The following INO80 variants were observed in gnomAD, a reference collection of about 807,000 sequenced individuals.
INO80 encodes the protein chromatin-remodeling ATPase INO80.
Under a neutral mutation model 203.4 loss-of-function variants are expected in INO80, and 20 were observed. The observed-to-expected ratio is 0.10, with a 90% confidence interval of 0.07 to 0.14. The LOEUF (loss-of-function observed/expected upper bound fraction) is 0.14, where lower values mean the gene tolerates loss of function less well. Ranked by LOEUF, INO80 falls within the 10% of genes least tolerant of loss-of-function variation. The probability of loss-of-function intolerance (pLI) is 1.00; values close to 1 mark genes in which losing one functional copy is unlikely to be tolerated. For synonymous variants in INO80, 726 were observed against 685.2 expected (o/e 1.06, Z -0.93); for missense variants, 1,419 against 1,914.4 (o/e 0.74, Z 4.83).
Position 40,983,754 on chromosome 15 carries a change from G to GC in INO80, c.4237+7dup, listed in dbSNP as rs1893920603. ...CAGGCCCAAGCTGTACAAGACAGCA[G>GC]CAATTACCATTCACGGTATCTGAGA... On this transcript the variant is annotated splice_region_variant and intron_variant, in intron 34 of 35. Transcript: ENST00000648947. 1 of 1,611,798 alleles carries GC rather than the reference G, an allele frequency of 6.2e-7. No homozygotes were observed. The highest frequency in any genetic ancestry group is 1.1e-5 in the South Asian group (1 of 90,904).
chr15:40,986,644 A>G (rs947742796), intron 31 of INO80, among the ~76,000 whole-genome samples: 3 of 151,166 alleles, frequency 2.0e-5, no homozygotes, highest in African/African-American at 7.4e-5. Flanking sequence ...TGTTTTTAAA[A>G]GATGGAGTTT....
chr15:41,089,815 T>C (rs1223335906), intron 5 of INO80, among the ~76,000 whole-genome samples: 1 of 151,108 alleles, frequency 6.6e-6, no homozygotes. Flanking sequence ...CACTCAAAAC[T>C]ATCATCATTT....
chr15:41,069,034 C>T (rs1436318865), intron 14 of INO80, among the ~76,000 whole-genome samples: 1 of 152,092 alleles, frequency 6.6e-6, no homozygotes, highest in East Asian at 1.9e-4. Context: ...AGTTTGACCA[C>T]GAGTATCCAT....
At chr15:41,040,780 CA>C (rs57433008) in intron 24 of INO80, among the ~76,000 whole-genome samples, 30 of 139,936 alleles carry the variant, frequency 2.1e-4, no homozygotes, top group East Asian at 2.1e-4. Flanking sequence ...GATCCTGTTT[CA>C]AAAAAAAAAG....
chr15:41,087,172 T>C (rs566929), intron 6 of INO80, among the ~76,000 whole-genome samples: 6,286 of 151,972 alleles, frequency 0.041, 450 homozygotes, highest in African/African-American at 0.14. Flanking sequence ...GTACTGAATA[T>C]GTACAAACTT....
At chr15:41,084,304 A>G (rs796876107) in intron 7 of INO80, among the ~76,000 whole-genome samples, 15 of 152,162 alleles carry the variant, frequency 9.9e-5, no homozygotes, top group African/African-American at 3.6e-4. Flanking sequence ...GCACACCTGT[A>G]ATCCCAACAC....
intron 27 of INO80, among the ~76,000 whole-genome samples, chr15:41,008,572 C>G (rs2044085361): frequency 1.3e-5 from 2 of 152,212 alleles, no homozygotes; most frequent in Admixed American, 6.5e-5. Flanking sequence ...GACAATATCA[C>G]ATGGTCGACC....
At chr15:41,102,320 A>C (rs1290530152) in intron 1 of INO80, among the ~76,000 whole-genome samples, 1 of 152,192 alleles carries the variant, frequency 6.6e-6, no homozygotes, top group Non-Finnish European at 1.5e-5. Flanking sequence ...TTAGGGCATC[A>C]TACTGCTTTT....
chr15:41,114,616 C>G (rs2046002592), intron 1 of INO80, among the ~76,000 whole-genome samples: 1 of 148,216 alleles, frequency 6.7e-6, no homozygotes, highest in African/African-American at 2.5e-5. Context: ...GGCTGAGGCA[C>G]GAGAAGTGCT....
intron 24 of INO80, among the ~76,000 whole-genome samples, chr15:41,032,458 C>G: frequency 6.6e-6 from 1 of 152,100 alleles, no homozygotes; most frequent in East Asian, 1.9e-4. Context: ...GGGGCATTTG[C>G]AGCACTCACG....
chr15:41,071,125 C>T (rs2045305520), intron 12 of INO80, among the ~76,000 whole-genome samples: 4 of 152,184 alleles, frequency 2.6e-5, no homozygotes, highest in Admixed American at 1.3e-4. Flanking sequence ...GCCATAAACG[C>T]ACCACTCCAC....
intron 14 of INO80, among the ~76,000 whole-genome samples, chr15:41,062,363 A>G (rs1339118228): frequency 6.6e-6 from 1 of 152,080 alleles, no homozygotes; most frequent in East Asian, 1.9e-4. Context: ...GCACTCTGGG[A>G]GGCTGAGGCG....
chr15:41,035,821 CAAAAAAAAAAAAAAAA>C (rs71104768), intron 24 of INO80, among the ~76,000 whole-genome samples: 4 of 20,154 alleles, frequency 2.0e-4, no homozygotes, highest in African/African-American at 9.9e-4. Flanking sequence ...GACTCTGTCT[CAAAAAAAAAAAAAAAA>C]AAAAAAAAAA....
chr15:40,998,037 T>G (rs911832585), intron 28 of INO80, among the ~76,000 whole-genome samples: 11 of 149,504 alleles, frequency 7.4e-5, no homozygotes, highest in Non-Finnish European at 1.5e-4. Context: ...TTTTTTTTTT[T>G]TTTAGACGTA....
intron 29 of INO80, among the ~76,000 whole-genome samples, chr15:40,989,570 C>T (rs768903397): frequency 6.6e-6 from 1 of 152,210 alleles, no homozygotes; most frequent in Non-Finnish European, 1.5e-5. Context: ...GCCCTCACAA[C>T]CTACATCTGG....
rs142014636 is a variant in INO80, at chr15:41,034,815, C to A, written c.2908-7079G>T. On this transcript the variant is annotated intron_variant, in intron 24 of 35. Coordinates refer to ENST00000648947, the MANE Select transcript of INO80 (RefSeq NM_017553.3). ...TGATCTGGAACATGGAATCTGGGTTCAACTTGCATACTCTTCCATTAAAAC... is the reference window on the plus strand; with the variant it reads ...TGATCTGGAACATGGAATCTGGGTTAAACTTGCATACTCTTCCATTAAAAC... Among the ~76,000 whole-genome samples, 101 of 152,326 alleles carry A rather than the reference C, an allele frequency of 6.6e-4. 2 individuals are homozygous for A. Among genetic ancestry groups the A allele is most frequent in the African/African-American group, 2.4e-3 (99 of 41,580 alleles).
chr15:40,981,453 G>A (rs746398828), intron 35 of INO80, among the ~76,000 whole-genome samples: 1 of 151,596 alleles, frequency 6.6e-6, no homozygotes, highest in Non-Finnish European at 1.5e-5. Flanking sequence ...AACACTGGGC[G>A]AGGCTATTAT....
chr15:41,074,557 C>T lies in INO80; in HGVS notation c.1140G>A (p.Arg380=). 1.2e-6 allele frequency: 2 copies of T among 1,607,468 alleles called. No homozygotes were observed. Among genetic ancestry groups the T allele is most frequent in the South Asian group, 1.1e-5 (1 of 89,684 alleles). The change falls in exon 10 of 36, where the codon AGG becomes AGA. Residue 380 remains arginine, a synonymous_variant. Coordinates refer to ENST00000648947, the MANE Select transcript of INO80 (RefSeq NM_017553.3). ...TTAAGAAGTTGAGTTTTCGCTGTTG[C>T]CTCTTGGCCTAAAGAGGGAAAAAAG... ...KLDEEMREAK[R]QQRKLNFLIT...
chr15:41,004,373 A>C (rs2044006873), intron 28 of INO80, among the ~76,000 whole-genome samples: 1 of 152,248 alleles, frequency 6.6e-6, no homozygotes, highest in South Asian at 2.1e-4. Context: ...TTAGAACTGA[A>C]TGGAATTAAA....
Sources: gnomAD v4.1 joint callset for allele counts (sites outside exome capture counted in the v4.1 genomes callset) on GRCh38, gnomAD v4.1.1 for gene constraint, MANE v1.5 for transcripts, NCBI Gene and HGNC (gene_info 2026-07-23, HGNC 2026-07-21) for gene names.